STK3: variants seen among roughly 807,000 people sequenced by gnomAD.
STK3 encodes the protein serine/threonine-protein kinase 3.
Under a neutral mutation model 58.0 loss-of-function variants are expected in STK3, and 41 were observed. The observed-to-expected ratio is 0.71, with a 90% CI of 0.55 to 0.92. STK3 has a LOEUF of 0.92. Among genes scored for constraint, STK3 ranks in the 40% least tolerant of loss-of-function variants. STK3 has a pLI of 0.00. For synonymous variants in STK3, 170 were observed against 191.0 expected (o/e 0.89, Z 0.91); for missense variants, 479 against 602.7 (o/e 0.79, Z 2.15).
intron 6 of STK3, among the ~76,000 whole-genome samples, chr8:98,669,876 G>A (rs1038951400): frequency 1.3e-5 from 2 of 152,146 alleles, no homozygotes; most frequent in Non-Finnish European, 2.9e-5. Flanking sequence ...CCTTTCAAAC[G>A]ATAGAAGATC....
At chr8:98,836,748 C>A in intron 3 of STK3, among the ~76,000 whole-genome samples, 1 of 152,114 alleles carries the variant, frequency 6.6e-6, no homozygotes, top group East Asian at 1.9e-4. Context: ...TAGATAAGAT[C>A]AGATTGATTT....
chr8:98,426,649 G>C (rs563693856), intron 3 of STK3, among the ~76,000 whole-genome samples: 1,635 of 152,314 alleles, frequency 0.011, 28 homozygotes, highest in Non-Finnish European at 0.016. Flanking sequence ...GACACCTGGA[G>C]TTCCTCCGGT....
At chr8:98,877,878 A>T (rs1296361230) in intron 3 of STK3, among the ~76,000 whole-genome samples, 3 of 152,192 alleles carry the variant, frequency 2.0e-5, no homozygotes, top group African/African-American at 7.2e-5. Flanking sequence ...CACTTTTAAG[A>T]CAATAATAAA....
chr8:98,905,507 C>T, intron 1 of STK3: 2 of 1,137,006 alleles, frequency 1.8e-6, no homozygotes, highest in Non-Finnish European at 2.7e-6. Context: ...TGTAATGATG[C>T]AAGTTGTGTA....
At chr8:98,934,521 C>G (rs910031923) in intron 1 of STK3, among the ~76,000 whole-genome samples, 3 of 152,228 alleles carry the variant, frequency 2.0e-5, no homozygotes, top group South Asian at 2.1e-4. Flanking sequence ...AAAGTAGAAT[C>G]CTGCCAATGC....
intron 1 of STK3, among the ~76,000 whole-genome samples, chr8:98,778,606 A>G (rs1285959952): frequency 1.3e-5 from 2 of 152,156 alleles, no homozygotes; most frequent in East Asian, 1.9e-4. Context: ...CACTATTCAC[A>G]ATAGCAAAGA....
intron 10 of STK3, among the ~76,000 whole-genome samples, chr8:98,523,006 G>A (rs1368784469): frequency 1.3e-5 from 2 of 152,064 alleles, no homozygotes; most frequent in African/African-American, 4.8e-5. Context: ...CATGAAAAAG[G>A]GTGTACAACT....
At chr8:98,889,069 C>A (rs376615673) in intron 1 of STK3, among the ~76,000 whole-genome samples, 2 of 152,156 alleles carry the variant, frequency 1.3e-5, no homozygotes, top group African/African-American at 4.8e-5. Flanking sequence ...TAAAACAGAG[C>A]GACCCTGCAG....
At chr8:98,720,978 C>T in intron 4 of STK3, 1 of 527,172 alleles carries the variant, frequency 1.9e-6, no homozygotes, top group Non-Finnish European at 2.4e-6. Context: ...AGTACCTGCC[C>T]CAGCTCAGCA....
intron 3 of STK3, among the ~76,000 whole-genome samples, chr8:98,407,901 AG>A (rs1818014314): frequency 6.6e-6 from 1 of 152,240 alleles, no homozygotes; most frequent in Non-Finnish European, 1.5e-5. Context: ...ATATGGGGGA[AG>A]AAAGGGAGCA....
intron 1 of STK3, among the ~76,000 whole-genome samples, chr8:98,788,543 C>T (rs1165562008): frequency 1.3e-5 from 2 of 151,908 alleles, no homozygotes; most frequent in Non-Finnish European, 2.9e-5. Flanking sequence ...ACACCTAACA[C>T]ATAAGGACTC....
intron 10 of STK3, among the ~76,000 whole-genome samples, chr8:98,461,092 G>T (rs1317440520): frequency 6.6e-6 from 1 of 152,124 alleles, no homozygotes; most frequent in Non-Finnish European, 1.5e-5. Context: ...GAGTGGTGAA[G>T]TCCCCCACTA....
intron 10 of STK3, among the ~76,000 whole-genome samples, chr8:98,501,344 C>T (rs1201763139): frequency 6.6e-6 from 1 of 151,966 alleles, no homozygotes; most frequent in Non-Finnish European, 1.5e-5. Flanking sequence ...TTTTCTTCCA[C>T]TCTGTAGATT....
chr8:98,405,522 T>A (rs936097564), intron 3 of STK3, among the ~76,000 whole-genome samples: 1 of 152,160 alleles, frequency 6.6e-6, no homozygotes, highest in Non-Finnish European at 1.5e-5. Context: ...GTGCGTGGAA[T>A]GTAACTTAAT....
chr8:98,936,520 C>A (rs1840202891), intron 1 of STK3, among the ~76,000 whole-genome samples: 1 of 152,196 alleles, frequency 6.6e-6, no homozygotes, highest in African/African-American at 2.4e-5. Context: ...CTATTGCTCC[C>A]TTGCTCTGCA....
At chr8:98,847,511 G>A (rs915800602) in intron 3 of STK3, among the ~76,000 whole-genome samples, 1 of 152,050 alleles carries the variant, frequency 6.6e-6, no homozygotes, top group African/African-American at 2.4e-5. Flanking sequence ...CTCGCTCTTG[G>A]TTTAACTGTA....
chr8:98,803,606 AAAG>A (rs1397497301), intron 1 of STK3, among the ~76,000 whole-genome samples: 3 of 129,838 alleles, frequency 2.3e-5, no homozygotes, highest in Admixed American at 7.1e-5. Context: ...AAAAAAAAAA[AAAG>A]AAAAAAAAAG....
chr8:98,874,807 A>T (rs1462546964), intron 3 of STK3, among the ~76,000 whole-genome samples: 4 of 149,394 alleles, frequency 2.7e-5, no homozygotes, highest in South Asian at 2.1e-4. Flanking sequence ...TTTTTTTTTT[A>T]AAGATGGGGT....
chr8:98,879,860 G>A (rs1375017052), downstream of STK3: 2 of 152,020 alleles, frequency 1.3e-5, no homozygotes. Flanking sequence ...TTATTCAAAC[G>A]TGCTAAGCAA....
Sources: gnomAD v4.1 joint callset for allele counts (sites outside exome capture counted in the v4.1 genomes callset) on GRCh38, gnomAD v4.1.1 for gene constraint, MANE v1.5 for transcripts, NCBI Gene and HGNC (gene_info 2026-07-23, HGNC 2026-07-21) for gene names.